Variants in ITGB8 observed in about 807,000 individuals in gnomAD.
ITGB8 encodes the protein integrin subunit beta 8.
A neutral mutation model predicts 89.5 loss-of-function variants in ITGB8; 30 were observed. That is an observed-to-expected ratio of 0.34 (90% CI 0.25 to 0.45). The LOEUF is 0.45. ITGB8 is among the 20% of genes least tolerant of loss of function. The probability of loss-of-function intolerance (pLI) is 1.00; values close to 1 mark genes in which losing one functional copy is unlikely to be tolerated. For missense variants in ITGB8, 836 were observed against 933.3 expected, an observed-to-expected ratio of 0.90 and a Z score of 1.36; for synonymous variants, 335 against 320.4, an observed-to-expected ratio of 1.05 and a Z score of -0.49.
intron 1 of ITGB8, among the ~76,000 whole-genome samples, chr7:20,332,887 A>G (rs979469785): frequency 2.7e-5 from 4 of 150,096 alleles, no homozygotes; most frequent in African/African-American, 9.8e-5. Flanking sequence ...TAGGCCCAAC[A>G]TTTATTTTTG....
At position 20,415,664 on chromosome 7, in the gene ITGB8, C is replaced by A. The variant is rs1787902707; in HGVS notation, c.*5667C>A. 1 of 152,496 alleles carries A rather than the reference C, an allele frequency of 6.6e-6. No homozygotes were observed. The highest frequency in any genetic ancestry group is 1.5e-5 in the Non-Finnish European group (1 of 67,988). The allele number at this position is 152,496 out of a possible 1,614,324, so 9.4% of individuals were successfully genotyped here. A position where few individuals can be genotyped will look rare whatever the true frequency, so the allele number is the denominator to read the frequency against. On this transcript the variant is annotated 3_prime_UTR_variant, in exon 14 of 14. Transcript: ENST00000222573. ...CTAACAGAGCTTATAACAGTTAGGA[C>A]AAGGCATTTAATTAATGCATCATTC...
intron 1 of ITGB8, among the ~76,000 whole-genome samples, chr7:20,334,352 T>A (rs180809940): frequency 1.3e-5 from 2 of 152,200 alleles, no homozygotes; most frequent in African/African-American, 4.8e-5. Context: ...TTTCCACATT[T>A]ACTTATTTTA....
chr7:20,345,642 T>C lies in ITGB8; in HGVS notation c.127+13709T>C, dbSNP rs539166083. 2.0e-4 allele frequency among the ~76,000 whole-genome samples: 30 copies of C among 152,266 alleles called. 1 individual carries two copies. The highest frequency in any genetic ancestry group is 1.8e-3 in the Admixed American group (27 of 15,290). ...AGCAATGTGAGAAATTTTTAATGCA[T>C]AGCAGGATCGAAGGACTGGTAGTGG... On this transcript the variant is annotated intron_variant, in intron 1 of 13. Coordinates refer to ENST00000222573, the MANE Select transcript of ITGB8 (RefSeq NM_002214.3).
At position 20,415,149 on chromosome 7, in the gene ITGB8, A is replaced by C. The variant is rs1344054490; in HGVS notation, c.*5152A>C. 6.6e-6 allele frequency: 1 copy of C among 152,522 alleles called. No individual in the cohort carries two copies. The highest frequency in any genetic ancestry group is 1.5e-5 in the Non-Finnish European group (1 of 67,966). 9.4% of individuals were successfully genotyped at this position (152,522 alleles called of 1,614,324 possible). A position where few individuals can be genotyped will look rare whatever the true frequency, so the allele number is the denominator to read the frequency against. On this transcript the variant is annotated 3_prime_UTR_variant, in exon 14 of 14. Transcript: ENST00000222573. ...AATTTTATTAAGAATATTGAGTATA[A>C]AGTACTTTAATTCTAAATTATAAGA...
chr7:20,400,975 A>T (rs1156233565), intron 9 of ITGB8, among the ~76,000 whole-genome samples: 1 of 151,762 alleles, frequency 6.6e-6, no homozygotes, highest in Non-Finnish European at 1.5e-5. Context: ...TTTGATTTTT[A>T]TTTATTTATT....
intron 3 of ITGB8, among the ~76,000 whole-genome samples, chr7:20,370,818 T>G (rs1220929896): frequency 6.6e-6 from 1 of 152,092 alleles, no homozygotes; most frequent in African/African-American, 2.4e-5. Context: ...TTCACCATGT[T>G]GGCCAGACTG....
intron 2 of ITGB8, chr7:20,365,946 C>A (rs1785679193): frequency 6.7e-6 from 1 of 149,914 alleles, no homozygotes; most frequent in Non-Finnish European, 1.5e-5. Context: ...ACAACGTAAA[C>A]CTGGCTTGAA....
At chr7:20,369,204 C>G (rs1159633758) in intron 3 of ITGB8, among the ~76,000 whole-genome samples, 1 of 152,122 alleles carries the variant, frequency 6.6e-6, no homozygotes, top group East Asian at 1.9e-4. Context: ...AATATTTGCA[C>G]ATGAAGTAAA....
intron 3 of ITGB8, among the ~76,000 whole-genome samples, chr7:20,370,362 A>G (rs1268736889): frequency 6.6e-6 from 1 of 151,556 alleles, no homozygotes; most frequent in Non-Finnish European, 1.5e-5. Flanking sequence ...AAATATGTCT[A>G]AAATTGACTC....
At chr7:20,380,583 C>T in intron 4 of ITGB8, 83 bp from the exon 5 acceptor site, 1 of 1,136,960 alleles carries the variant, frequency 8.8e-7, no homozygotes, top group Non-Finnish European at 1.3e-6. Context: ...CCTTTTCACA[C>T]AACTGTACAA....
chr7:20,335,905 T>A (rs1784556200), intron 1 of ITGB8, among the ~76,000 whole-genome samples: 1 of 152,016 alleles, frequency 6.6e-6, no homozygotes, highest in Admixed American at 6.6e-5. Flanking sequence ...TCCTTCTCCA[T>A]CTCTGATGTT....
chr7:20,391,546 T>C, intron 7 of ITGB8, 48 bp downstream of exon 7: 2 of 975,542 alleles, frequency 2.1e-6, no homozygotes, highest in Non-Finnish European at 3.1e-6. Context: ...TCATTGGTAA[T>C]TGAAATTAAG....
At chr7:20,384,998 ATTCT>A (rs1410134608) in intron 6 of ITGB8, among the ~76,000 whole-genome samples, 2 of 152,242 alleles carry the variant, frequency 1.3e-5, no homozygotes, top group African/African-American at 4.8e-5. Flanking sequence ...GAAATGTGAC[ATTCT>A]TTCTAAAATG....
chr7:20,375,616 A>G (rs932049687), intron 3 of ITGB8, among the ~76,000 whole-genome samples: 4 of 152,344 alleles, frequency 2.6e-5, no homozygotes, highest in South Asian at 2.1e-4. Flanking sequence ...GATACCAGAA[A>G]TTTAAAGTAA....
intron 1 of ITGB8, among the ~76,000 whole-genome samples, chr7:20,350,015 T>C (rs796312762): frequency 5.3e-5 from 8 of 152,352 alleles, no homozygotes; most frequent in African/African-American, 1.9e-4. Context: ...GCCTCTTTGC[T>C]GACAGTGCCA....
At chr7:20,375,727 A>G (rs1562678600) in intron 3 of ITGB8, among the ~76,000 whole-genome samples, 2 of 152,242 alleles carry the variant, frequency 1.3e-5, no homozygotes, top group African/African-American at 4.8e-5. Context: ...CATATCATCT[A>G]TTAATATTCA....
At chr7:20,344,991 G>C (rs1784876030) in intron 1 of ITGB8, among the ~76,000 whole-genome samples, 1 of 152,166 alleles carries the variant, frequency 6.6e-6, no homozygotes, top group South Asian at 2.1e-4. Context: ...TAAAGAAACA[G>C]AATGTATAGC....
Position 20,376,980 on chromosome 7 carries a change from C to G in ITGB8, c.389-2071C>G, listed in dbSNP as rs17142751. On this transcript the variant is annotated intron_variant, in intron 3 of 13. Transcript: ENST00000222573. ...ATTTGGCAGTGCTTTCTCACAGCCT[C>G]TCTTCTTTGCTGAGGCCAGCGAGAC... Among the ~76,000 whole-genome samples, 775 of 152,296 alleles carry G rather than the reference C, an allele frequency of 5.1e-3. 33 individuals carry two copies. In the East Asian group the frequency reaches 0.1, roughly 20 times the overall value.
At chr7:20,371,962 C>A (rs571996224) in intron 3 of ITGB8, among the ~76,000 whole-genome samples, 1 of 152,206 alleles carries the variant, frequency 6.6e-6, no homozygotes, top group African/African-American at 2.4e-5. Context: ...TAGCTGTTTT[C>A]TTTTGCCTTT....
Sources: gnomAD v4.1 joint callset for allele counts (sites outside exome capture counted in the v4.1 genomes callset) on GRCh38, gnomAD v4.1.1 for gene constraint, MANE v1.5 for transcripts, NCBI Gene and HGNC (gene_info 2026-07-23, HGNC 2026-07-21) for gene names.